ADCY5: variants seen among roughly 807,000 people sequenced by gnomAD.
The protein encoded by ADCY5 is adenylate cyclase type 5.
In ADCY5, 30 loss-of-function variants were observed where a neutral mutation model predicts 119.7. The observed-to-expected ratio is 0.25, with a 90% CI of 0.19 to 0.34. The LOEUF (loss-of-function observed/expected upper bound fraction) is 0.34. ADCY5 is among the 10% of genes least tolerant of loss of function. The pLI is 1.00. For synonymous variants in ADCY5, 753 were observed against 762.2 expected (o/e 0.99, Z 0.20); for missense variants, 1,324 against 1,775.2 (o/e 0.75, Z 4.57).
At chr3:123,398,776 G>C (rs1163247539) in intron 1 of ADCY5, among the ~76,000 whole-genome samples, 1 of 151,952 alleles carries the variant, frequency 6.6e-6, no homozygotes, top group African/African-American at 2.4e-5. Flanking sequence ...TTGTCTTCTG[G>C]GTCATATCCA....
Position 123,291,846 on chromosome 3 carries a change from C to T in ADCY5, c.3064-470G>A, listed in dbSNP as rs576714948. ...CAAAAGCCAGAGTTACCTTAATTGA[C>T]GGACCTGTGGGGGAAAACAGCCCAA... On this transcript the variant is annotated intron_variant, in intron 17 of 20. Coordinates refer to ENST00000462833, the MANE Select transcript of ADCY5 (RefSeq NM_183357.3). Among the ~76,000 whole-genome samples, 42 of 152,314 alleles carry T rather than the reference C, an allele frequency of 2.8e-4. 1 individual carries two copies. In the South Asian group the frequency reaches 3.5e-3, roughly 13 times the overall value.
intron 1 of ADCY5, among the ~76,000 whole-genome samples, chr3:123,440,151 C>T (rs1945699297): frequency 6.6e-6 from 1 of 152,240 alleles, no homozygotes; most frequent in African/African-American, 2.4e-5. Context: ...TTCAAACCCT[C>T]ACTGAGCACC....
At chr3:123,354,536 G>A (rs1942972367) in intron 1 of ADCY5, among the ~76,000 whole-genome samples, 2 of 152,184 alleles carry the variant, frequency 1.3e-5, no homozygotes, top group African/African-American at 2.4e-5. Context: ...AAGTCACTGG[G>A]AACCACTGGG....
chr3:123,401,262 G>T (rs1425565520), intron 1 of ADCY5, among the ~76,000 whole-genome samples: 1 of 152,200 alleles, frequency 6.6e-6, no homozygotes, highest in African/African-American at 2.4e-5. Flanking sequence ...GGGTAGGTCA[G>T]ACAGGTGGTA....
intron 1 of ADCY5, among the ~76,000 whole-genome samples, chr3:123,442,410 C>T (rs908464240): frequency 1.3e-5 from 2 of 152,226 alleles, no homozygotes; most frequent in African/African-American, 4.8e-5. Context: ...CGAACATGGG[C>T]CACCACCCTG....
chr3:123,439,189 T>A (rs999418978), intron 1 of ADCY5, among the ~76,000 whole-genome samples: 1 of 149,910 alleles, frequency 6.7e-6, no homozygotes, highest in Non-Finnish European at 1.5e-5. Flanking sequence ...TGCCTCAGCC[T>A]CCCGAGTAGC....
intron 1 of ADCY5, among the ~76,000 whole-genome samples, chr3:123,355,795 C>T (rs1275835692): frequency 1.3e-5 from 2 of 152,128 alleles, no homozygotes; most frequent in African/African-American, 4.8e-5. Flanking sequence ...TGTCAATTTT[C>T]CCCAAATTGA....
intron 1 of ADCY5, among the ~76,000 whole-genome samples, chr3:123,374,291 T>C (rs1943747610): frequency 6.6e-6 from 1 of 152,094 alleles, no homozygotes. Flanking sequence ...ATGATGAAGC[T>C]GCATCAGTCA....
intron 8 of ADCY5, among the ~76,000 whole-genome samples, chr3:123,323,404 C>T (rs988595217): frequency 6.6e-6 from 1 of 152,194 alleles, no homozygotes; most frequent in African/African-American, 2.4e-5. Context: ...AAAGATATAG[C>T]TTATATCAAA....
At chr3:123,323,210 T>C (rs1348503408) in intron 8 of ADCY5, among the ~76,000 whole-genome samples, 1 of 152,076 alleles carries the variant, frequency 6.6e-6, no homozygotes, top group African/African-American at 2.4e-5. Flanking sequence ...CCCTCCCTGC[T>C]GGGCAAAGCG....
chr3:123,297,062 A>G (rs1216352635), intron 16 of ADCY5: 1 of 1,535,706 alleles, frequency 6.5e-7, no homozygotes. Flanking sequence ...CTCCTGGGGA[A>G]GAGCTTGAGG....
At chr3:123,380,917 T>C (rs1944010943) in intron 1 of ADCY5, among the ~76,000 whole-genome samples, 1 of 151,994 alleles carries the variant, frequency 6.6e-6, no homozygotes, top group South Asian at 2.1e-4. Context: ...TAATGACAGG[T>C]CAGGAGCACA....
chr3:123,340,457 G>A (rs1373330124), intron 3 of ADCY5, among the ~76,000 whole-genome samples: 3 of 152,004 alleles, frequency 2.0e-5, no homozygotes, highest in African/African-American at 4.8e-5. Flanking sequence ...TATTAGAATC[G>A]TAATCATACA....
rs566929406 is a variant in ADCY5 at position 123,349,586 on chromosome 3, A to G, written c.1285-1683T>C. On this transcript the variant is annotated intron_variant, in intron 2 of 20. Transcript: ENST00000462833. ...TCTAGTTTCACCAGCCACATCACAT[A>G]TGGGTTCTTCCAGACCCGCTGAACT... Among the ~76,000 whole-genome samples, 4 of 152,244 alleles carry G rather than the reference A, an allele frequency of 2.6e-5. No homozygotes were observed. In the South Asian group the frequency reaches 8.3e-4, roughly 32 times the overall value.
chr3:123,325,181 G>T, intron 8 of ADCY5, 141 bp downstream of exon 8: 1 of 1,129,430 alleles, frequency 8.9e-7, no homozygotes, highest in Non-Finnish European at 1.2e-6. Flanking sequence ...GTCCAAAGTT[G>T]GGGCAAACCG....
Position 123,327,601 on chromosome 3 carries a change from G to A in ADCY5, c.1947+17C>T, listed in dbSNP as rs1238808860. The A allele has an allele frequency of 1.2e-6, 2 of 1,609,106 alleles. No homozygotes were observed. The highest frequency in any genetic ancestry group is 2.2e-5 in the East Asian group (1 of 44,654). ...AGGAAGGGAGCCCCTCAGCCCCCCG[G>A]CCCCCAGCCCACAGACCCGCTTCTG... On this transcript the variant is annotated intron_variant, in intron 7 of 20. Transcript: ENST00000462833.
chr3:123,339,506 G>A (rs73186463), intron 3 of ADCY5, among the ~76,000 whole-genome samples: 1,620 of 152,324 alleles, frequency 0.011, 7 homozygotes, highest in Middle Eastern at 0.02. Flanking sequence ...AGGCCTATGG[G>A]AGCCTGCTGG....
intron 2 of ADCY5, among the ~76,000 whole-genome samples, chr3:123,349,896 A>G (rs4630884): frequency 0.54 from 81,875 of 151,888 alleles, 23,211 homozygotes; most frequent in African/African-American, 0.73. Context: ...CCTAAAATAC[A>G]CCAGACCATG....
At chr3:123,406,247 C>T (rs1480828151) in intron 1 of ADCY5, among the ~76,000 whole-genome samples, 2 of 152,218 alleles carry the variant, frequency 1.3e-5, no homozygotes, top group Admixed American at 6.5e-5. Context: ...CTGCTGACCC[C>T]GCCTCTCTGT....
Sources: gnomAD v4.1 joint callset for allele counts (sites outside exome capture counted in the v4.1 genomes callset) on GRCh38, gnomAD v4.1.1 for gene constraint, MANE v1.5 for transcripts, NCBI Gene and HGNC (gene_info 2026-07-23, HGNC 2026-07-21) for gene names.